The following RGL1 variants were observed in gnomAD, a reference collection of about 807,000 sequenced individuals.
RGL1 encodes ral guanine nucleotide dissociation stimulator like 1, also known as ral guanine nucleotide dissociation stimulator-like 1.
RGL1 carries 24 observed loss-of-function variants against 95.2 expected under a neutral mutation model. The observed-to-expected ratio is 0.25, with a 90% CI of 0.18 to 0.35. RGL1 has a LOEUF of 0.35. Among genes scored for constraint, RGL1 ranks in the 10% least tolerant of loss-of-function variants. RGL1 has a pLI of 1.00. For missense variants in RGL1, 715 were observed against 936.3 expected (o/e 0.76, Z 3.08); for synonymous variants, 329 against 344.9 (o/e 0.95, Z 0.51).
intron 16 of RGL1, among the ~76,000 whole-genome samples, 177 bp downstream of exon 16, chr1:183,916,878 T>C (rs1344642970): frequency 6.6e-6 from 1 of 152,130 alleles, no homozygotes; most frequent in Admixed American, 6.5e-5. Flanking sequence ...AGATGCTGAA[T>C]GATATATGTA....
intron 1 of RGL1, chr1:183,647,962 T>C (rs966918671): frequency 1.9e-6 from 3 of 1,614,196 alleles, no homozygotes; most frequent in Admixed American, 3.3e-5. Context: ...CCACTCGGCA[T>C]TTGAAAAAAC....
chr1:183,912,362 C>T (rs1342978594), intron 15 of RGL1, 94 bp downstream of exon 15: 2 of 1,020,400 alleles, frequency 2.0e-6, no homozygotes, highest in African/African-American at 1.6e-5. Context: ...AAGTGGATCA[C>T]TCTATAGTAT....
At chr1:183,681,018 T>G (rs1281386370) in intron 1 of RGL1, among the ~76,000 whole-genome samples, 1 of 152,244 alleles carries the variant, frequency 6.6e-6, no homozygotes, top group Non-Finnish European at 1.5e-5. Context: ...TTTTGCACAT[T>G]GATTTTGTAT....
At chr1:183,816,210 TA>T (rs1387024609) in intron 2 of RGL1, among the ~76,000 whole-genome samples, 2 of 152,300 alleles carry the variant, frequency 1.3e-5, no homozygotes, top group African/African-American at 4.8e-5. Context: ...TTTTATGCTT[TA>T]AAAAATATTT....
chr1:183,653,398 G>A (rs1444927152), intron 1 of RGL1: 2 of 152,252 alleles, frequency 1.3e-5, no homozygotes, highest in Non-Finnish European at 2.9e-5. Context: ...TGCATATCAA[G>A]CCACCTGTTC....
chr1:183,793,847 A>G (rs1212100439), intron 2 of RGL1, among the ~76,000 whole-genome samples: 2 of 152,152 alleles, frequency 1.3e-5, no homozygotes, highest in African/African-American at 4.8e-5. Context: ...AGTTTGTAAA[A>G]AAAACAACTA....
At chr1:183,916,258 G>A (rs115464713) in intron 15 of RGL1, among the ~76,000 whole-genome samples, 189 bp from the exon 16 acceptor site, 2,372 of 152,274 alleles carry the variant, frequency 0.016, 28 homozygotes, top group Non-Finnish European at 0.025. Flanking sequence ...CTGAGTCACC[G>A]ATAGGCATCT....
intron 1 of RGL1, chr1:183,710,170 T>C (rs1655173493): frequency 9.0e-6 from 2 of 222,684 alleles, no homozygotes; most frequent in African/African-American, 2.3e-5. Context: ...GCTTCATGGC[T>C]CTCAGCAGGT....
chr1:183,916,536 C>G lies in RGL1; in HGVS notation c.1839C>G (p.Ser613=). 10 of 1,613,888 alleles carry G rather than the reference C, an allele frequency of 6.2e-6. No individual in the cohort carries two copies. The highest frequency in any genetic ancestry group is 8.5e-6 in the Non-Finnish European group (10 of 1,179,994). ...GMSSLINPLS[S]PPSCNNNPKI... is the part of the protein sequence containing the mutation. The stretch of plus-strand genomic sequence containing the variant: ...CTTCCTTAATCAACCCCCTCTCCTC[C>G]CCTCCGTCCTGCAACAACAACCCCA... The change falls in exon 16 of 18, where the codon TCC becomes TCG. Residue 613 remains serine (S), a synonymous_variant. Transcript: ENST00000360851.
At chr1:183,775,354 C>G (rs779356771) in intron 2 of RGL1, among the ~76,000 whole-genome samples, 19 of 152,288 alleles carry the variant, frequency 1.2e-4, no homozygotes, top group Admixed American at 2.6e-4. Context: ...GCTAAATTAA[C>G]CAGAATGCTT....
chr1:183,646,193 T>A (rs889284817), intron 1 of RGL1, among the ~76,000 whole-genome samples: 1 of 152,226 alleles, frequency 6.6e-6, no homozygotes, highest in Admixed American at 6.5e-5. Context: ...CAACAGTACT[T>A]CTTTAAATAA....
At chr1:183,892,014 GC>G in intron 8 of RGL1, 62 bp from the exon 9 acceptor site, 1 of 1,322,416 alleles carries the variant, frequency 7.6e-7, no homozygotes, top group Non-Finnish European at 1.1e-6. Flanking sequence ...GGACAGCTGG[GC>G]CAAAAGTGTC....
chr1:183,866,065 G>C lies in RGL1; in HGVS notation c.417G>C (p.Val139=). The change falls in exon 4 of 18, where the codon GTG becomes GTC. Residue 139 remains valine (V), a synonymous_variant. Transcript: ENST00000360851. ...AAAGTTCATCAGAGTCCAAAATGGT[G>C]ATCAGGAAGTGAGTCTCCCTTTTCT... ...GSQSSSESKM[V]IRNAIASILR... 6.2e-7 allele frequency: 1 copy of C among 1,613,222 alleles called. No individual in the cohort carries two copies. The highest frequency in any genetic ancestry group is 1.1e-5 in the South Asian group (1 of 91,050).
Position 183,717,468 on chromosome 1 carries a change from G to C in RGL1, c.-32-24658G>C, listed in dbSNP as rs912014092. Among the ~76,000 whole-genome samples the C allele has an allele frequency of 5.3e-5, 8 of 152,242 alleles. No homozygotes were observed. In the East Asian group the frequency reaches 1.5e-3, roughly 29 times the overall value. ...TATGAAAAGTATATGTATTTATGTT[G>C]TTTTGATCAATTATGTACCACTCAT... On this transcript the variant is annotated intron_variant, in intron 1 of 18. Coordinates refer to the RGL1 transcript ENST00000304685.
chr1:183,637,239 T>A (rs1649606430), intron 1 of RGL1, among the ~76,000 whole-genome samples: 1 of 152,240 alleles, frequency 6.6e-6, no homozygotes, highest in African/African-American at 2.4e-5. Context: ...ACCATTGGTT[T>A]TGGGACTAGT....
intron 2 of RGL1, among the ~76,000 whole-genome samples, chr1:183,811,033 G>A (rs895050819): frequency 1.3e-5 from 2 of 152,084 alleles, no homozygotes; most frequent in African/African-American, 4.8e-5. Flanking sequence ...TTCTTTGGGG[G>A]ACTAATATTG....
chr1:183,926,312 C>T lies in RGL1; in HGVS notation c.*20C>T, dbSNP rs1254941534. 2.5e-6 allele frequency: 4 copies of T among 1,587,312 alleles called. No individual in the cohort carries two copies. The highest frequency in any genetic ancestry group is 2.3e-5 in the East Asian group (1 of 44,222). ...CTCTGAAGGGAGGGACCAGTGGCCC[C>T]TTGTTTGCCAAAGGCAGAGTGGGGC... On this transcript the variant is annotated 3_prime_UTR_variant, in exon 18 of 18. Coordinates refer to ENST00000360851, the MANE Select transcript of RGL1 (RefSeq NM_001297671.3).
intron 2 of RGL1, among the ~76,000 whole-genome samples, chr1:183,846,602 A>G (rs1664457902): frequency 6.6e-6 from 1 of 152,050 alleles, no homozygotes; most frequent in Non-Finnish European, 1.5e-5. Flanking sequence ...GAGTTTGTCC[A>G]GGTGCAGTGG....
chr1:183,645,900 G>T (rs897441152), intron 1 of RGL1, among the ~76,000 whole-genome samples: 3 of 152,186 alleles, frequency 2.0e-5, no homozygotes, highest in African/African-American at 7.2e-5. Context: ...TATCGAACCA[G>T]TACAAAAGTT....
Sources: gnomAD v4.1 joint callset for allele counts (sites outside exome capture counted in the v4.1 genomes callset) on GRCh38, gnomAD v4.1.1 for gene constraint, MANE v1.5 for transcripts, NCBI Gene and HGNC (gene_info 2026-07-23, HGNC 2026-07-21) for gene names.